Variants in MGST1 observed in about 807,000 individuals in gnomAD.
MGST1 encodes the protein glutathione S-transferase 12.
Under a neutral mutation model 8.9 loss-of-function variants are expected in MGST1, and 5 were observed. The ratio of observed to expected loss-of-function variants is 0.56; its 90% CI spans 0.29 to 1.19. MGST1 has a LOEUF of 1.19. MGST1 is among the 50% of genes most tolerant of loss of function. The probability of loss-of-function intolerance (pLI) is 0.08; values close to 1 mark genes in which losing one functional copy is unlikely to be tolerated. For missense variants in MGST1, 182 were observed against 187.4 expected, an observed-to-expected ratio of 0.97 and a Z score of 0.17; for synonymous variants, 54 against 67.8, an observed-to-expected ratio of 0.80 and a Z score of 1.00.
chr12:16,537,625 C>T lies in MGST1; in HGVS notation n.483-51903C>T, dbSNP rs1245794818. Among the ~76,000 whole-genome samples the T allele has an allele frequency of 6.6e-6, 1 of 152,200 alleles. No individual in the cohort carries two copies. Among genetic ancestry groups the T allele is most frequent in the Admixed American group, 6.5e-5 (1 of 15,274 alleles). On this transcript the variant is annotated intron_variant and non_coding_transcript_variant, in intron 4 of 4. Coordinates refer to the MGST1 transcript ENST00000538857. The surrounding 1 kb of genome is among the most constrained non-coding windows in gnomAD (Gnocchi z 4.6). The stretch of plus-strand genomic sequence containing the variant: ...ACATTGAAATCTAGGTGGAGGTTCC[C>T]AAACCTCAATTCTTGACTTCTGTGC...
rs918500790 is a variant in MGST1, at chr12:16,401,750, G to T, written n.778+18146G>T. 4.4e-6 allele frequency: 7 copies of T among 1,599,332 alleles called. No homozygotes were observed. Among genetic ancestry groups the T allele is most frequent in the Non-Finnish European group, 6.0e-6 (7 of 1,166,742 alleles). On this transcript the variant is annotated intron_variant and non_coding_transcript_variant, in intron 1 of 1. Coordinates refer to the MGST1 transcript ENST00000359720. This position sits in a 1 kb window ranked among gnomAD's most constrained non-coding sequence, Gnocchi z 4.3. ...CAGCAAGGTATTTTTTCTCTTCAAC[G>T]GCCTTTTCCACAGACTCAGCCAGTT...
chr12:16,536,250 G>C (rs890534241), intron 4 of MGST1, among the ~76,000 whole-genome samples: 1 of 152,114 alleles, frequency 6.6e-6, no homozygotes, highest in African/African-American at 2.4e-5. Flanking sequence ...TTTATACGCT[G>C]ACTTTGAAGC....
In MGST1 at chr12:16,559,955, G is replaced by C. The variant is rs1301782623; in HGVS notation, n.483-29573G>C. Reference sequence around the variant, plus strand: ...AGGCTGGGTGACAGAACCAGACCTTGTATTTAAAAAAGCAAAAACAAAAAC... The same window carrying C: ...AGGCTGGGTGACAGAACCAGACCTTCTATTTAAAAAAGCAAAAACAAAAAC... On this transcript the variant is annotated intron_variant and non_coding_transcript_variant, in intron 4 of 4. Coordinates refer to the MGST1 transcript ENST00000538857. The surrounding 1 kb of genome is among the most constrained non-coding windows in gnomAD (Gnocchi z 4.1). Among the ~76,000 whole-genome samples, 2 of 151,826 alleles carry C rather than the reference G, an allele frequency of 1.3e-5. No individual in the cohort carries two copies. Among genetic ancestry groups the C allele is most frequent in the Non-Finnish European group, 2.9e-5 (2 of 67,952 alleles).
At chr12:16,371,382 G>GA (rs113591736) in intron 3 of MGST1, among the ~76,000 whole-genome samples, 4,726 of 152,182 alleles carry the variant, frequency 0.031, 196 homozygotes, top group African/African-American at 0.091. Flanking sequence ...AAGGACCACA[G>GA]AAAAAGTTTG....
At position 16,520,334 on chromosome 12, in the gene MGST1, A is replaced by G. The variant is rs146889093; in HGVS notation, n.483-69194A>G. Among the ~76,000 whole-genome samples the G allele has an allele frequency of 2.4e-4, 36 of 152,288 alleles. No homozygotes were observed. In the East Asian group the frequency reaches 6.9e-3, roughly 29 times the overall value. On this transcript the variant is annotated intron_variant and non_coding_transcript_variant, in intron 4 of 4. Transcript: ENST00000538857. ...CTGAGTGTACAAAAAACACTAAGAG[A>G]CAGACTATTCTATCAGAAATATCAC...
chr12:16,354,205 T>C lies in MGST1; in HGVS notation c.-22-26T>C, dbSNP rs9332901. 3,152 of 1,527,658 alleles carry C rather than the reference T, an allele frequency of 2.1e-3. 65 individuals carry two copies. In the African/African-American group the frequency reaches 0.039, roughly 19 times the overall value. The allele number at this position is 1,527,658 out of a possible 1,614,324, so 94.6% of individuals were successfully genotyped here. A position where few individuals can be genotyped will look rare whatever the true frequency, so the allele number is the denominator to read the frequency against. ...ATTTTGGGTATTTATGTCTGCTTTT[T>C]CCCATTTTATTTAAATCTTTTTAAG... On this transcript the variant is annotated intron_variant, in intron 1 of 3. Coordinates refer to ENST00000396210, the MANE Select transcript of MGST1 (RefSeq NM_020300.5).
intron 1 of MGST1, among the ~76,000 whole-genome samples, chr12:16,426,351 C>T (rs1467234533): frequency 6.6e-6 from 1 of 152,138 alleles, no homozygotes. Context: ...GTCAGAAATT[C>T]TATATATTCA....
intron 4 of MGST1, among the ~76,000 whole-genome samples, chr12:16,515,503 G>A (rs1476938621): frequency 1.3e-5 from 2 of 152,004 alleles, no homozygotes; most frequent in Non-Finnish European, 2.9e-5. Flanking sequence ...AGTAGCGGGA[G>A]CCTGTAATCC....
At chr12:16,495,437 A>G (rs1423907201) in intron 4 of MGST1, among the ~76,000 whole-genome samples, 1 of 152,100 alleles carries the variant, frequency 6.6e-6, no homozygotes, top group Non-Finnish European at 1.5e-5. Context: ...GAAACAAACC[A>G]GCACATGTAC....
At position 16,492,144 on chromosome 12, in the gene MGST1, G is replaced by A. The variant is rs181750117; in HGVS notation, n.483-97384G>A. 4.8e-4 allele frequency among the ~76,000 whole-genome samples: 73 copies of A among 152,252 alleles called. 1 individual carries two copies. The highest frequency in any genetic ancestry group is 4.3e-3 in the Admixed American group (66 of 15,274). On this transcript the variant is annotated intron_variant and non_coding_transcript_variant, in intron 4 of 4. Coordinates refer to the MGST1 transcript ENST00000538857. ...ATGAAAAAAATGGAATGATATGTAGGATGGTAGATTCAAATTAGATTTCTC... is the reference window on the plus strand; with the variant it reads ...ATGAAAAAAATGGAATGATATGTAGAATGGTAGATTCAAATTAGATTTCTC...
At chr12:16,551,351 A>C in intron 4 of MGST1, 3 of 1,387,116 alleles carry the variant, frequency 2.2e-6, no homozygotes, top group East Asian at 2.3e-5. Context: ...AAACAATAAA[A>C]TGTGGTTAAG....
chr12:16,379,837 T>G (rs1940432103), downstream of MGST1, among the ~76,000 whole-genome samples: 1 of 152,348 alleles, frequency 6.6e-6, no homozygotes, highest in Non-Finnish European at 1.5e-5. Context: ...CTGTTATTGG[T>G]CTGTTCAGAG....
rs1406956262 is a variant in MGST1 at position 16,555,998 on chromosome 12, TG to T, written n.483-33529del. Among the ~76,000 whole-genome samples, 1 of 152,192 alleles carries T rather than the reference TG, an allele frequency of 6.6e-6. No individual in the cohort carries two copies. The highest frequency in any genetic ancestry group is 1.5e-5 in the Non-Finnish European group (1 of 68,038). Reference sequence around the variant, plus strand: ...ATTTAGCATCGATTACACTCTTCTGTGAGTCTTTGATGTCCTGTCTCTCCCG... The same window carrying T: ...ATTTAGCATCGATTACACTCTTCTGTAGTCTTTGATGTCCTGTCTCTCCCG... On this transcript the variant is annotated intron_variant and non_coding_transcript_variant, in intron 4 of 4. Coordinates refer to the MGST1 transcript ENST00000538857. This position sits in a 1 kb window ranked among gnomAD's most constrained non-coding sequence, Gnocchi z 5.5.
chr12:16,498,749 T>G (rs1050401789), intron 4 of MGST1, among the ~76,000 whole-genome samples: 2 of 152,120 alleles, frequency 1.3e-5, no homozygotes, highest in Non-Finnish European at 2.9e-5. Flanking sequence ...AAGTAAGTAA[T>G]TAAGTAGATT....
chr12:16,475,608 T>G (rs2137138977), intron 4 of MGST1, among the ~76,000 whole-genome samples: 1 of 152,256 alleles, frequency 6.6e-6, no homozygotes, highest in Admixed American at 6.5e-5. Context: ...CTTATACCCT[T>G]AAGAGAGGAG....
At chr12:16,528,646 T>A (rs1404433165) in intron 4 of MGST1, among the ~76,000 whole-genome samples, 7 of 151,984 alleles carry the variant, frequency 4.6e-5, no homozygotes, top group Non-Finnish European at 1.5e-5. Context: ...GTGCACTAGG[T>A]AAAAGGATGG....
chr12:16,527,344 A>G (rs1941694006), intron 4 of MGST1, among the ~76,000 whole-genome samples: 1 of 152,042 alleles, frequency 6.6e-6, no homozygotes, highest in African/African-American at 2.4e-5. Flanking sequence ...TTCTGTAATT[A>G]ATTTCAAATC....
At chr12:16,418,277 C>T (rs1380397165) in intron 1 of MGST1, among the ~76,000 whole-genome samples, 2 of 152,028 alleles carry the variant, frequency 1.3e-5, no homozygotes, top group Non-Finnish European at 1.5e-5. Flanking sequence ...AATGACAGAG[C>T]CAGAAATTGA....
In MGST1 at chr12:16,484,400, TTTTG is replaced by T. The variant is rs1555106752; in HGVS notation, n.482+100816_482+100819del. Among the ~76,000 whole-genome samples, 1,009 of 152,128 alleles carry T rather than the reference TTTTG, an allele frequency of 6.6e-3. 11 individuals carry two copies. The highest frequency in any genetic ancestry group is 0.023 in the African/African-American group (943 of 41,514). On this transcript the variant is annotated intron_variant and non_coding_transcript_variant, in intron 4 of 4. Coordinates refer to the MGST1 transcript ENST00000538857. ...CCAGAGGCACGATAAAGAATCTGTT[TTTTG>T]TTTGTTTGTTTGTTTGTTTATTTTT... is the stretch of plus-strand genomic sequence containing the variant.
Sources: gnomAD v4.1 joint callset for allele counts (sites outside exome capture counted in the v4.1 genomes callset) on GRCh38, gnomAD v4.1.1 for gene constraint, Gnocchi (gnomAD v3.1) non-coding constraint, MANE v1.5 for transcripts, NCBI Gene and HGNC (gene_info 2026-07-23, HGNC 2026-07-21) for gene names.